The following MAST4 variants were observed in gnomAD, a reference collection of about 807,000 sequenced individuals.
MAST4 encodes the protein microtubule-associated serine/threonine-protein kinase 4.
In MAST4, 89 loss-of-function variants were observed where a neutral mutation model predicts 162.7. That is an observed-to-expected ratio of 0.55 (90% confidence interval 0.46 to 0.65). The LOEUF (loss-of-function observed/expected upper bound fraction) is 0.65, where lower values mean the gene tolerates loss of function less well. Ranked by LOEUF, MAST4 falls within the 30% of genes least tolerant of loss-of-function variation. The probability of loss-of-function intolerance (pLI) is 0.00; values close to 1 mark genes in which losing one functional copy is unlikely to be tolerated. For missense variants in MAST4, 3,153 were observed against 3,374.0 expected (o/e 0.93, Z 1.62); for synonymous variants, 1,479 against 1,361.1 (o/e 1.09, Z -1.91).
chr5:66,907,587 CGTGTGTGTGTGTGTGTGTGTGT>C (rs59273615), intron 4 of MAST4, among the ~76,000 whole-genome samples: 64 of 144,238 alleles, frequency 4.4e-4, no homozygotes, highest in Middle Eastern at 3.4e-3. Context: ...TAGGTTGATG[CGTGTGTGTGTGTGTGTGTGTGT>C]GTGTGTGTGT....
At chr5:67,094,533 T>C (rs1466043901) in intron 6 of MAST4, among the ~76,000 whole-genome samples, 2 of 152,146 alleles carry the variant, frequency 1.3e-5, no homozygotes, top group Non-Finnish European at 2.9e-5. Context: ...AAAAATGCAA[T>C]GTTGCTTTTT....
chr5:67,020,841 G>A (rs1360433009), intron 4 of MAST4, among the ~76,000 whole-genome samples: 2 of 152,140 alleles, frequency 1.3e-5, no homozygotes, highest in Non-Finnish European at 2.9e-5. Flanking sequence ...CAGCCTGCAG[G>A]CCCAATCTGG....
chr5:67,085,886 G>A (rs1763180485), intron 5 of MAST4, among the ~76,000 whole-genome samples: 2 of 152,140 alleles, frequency 1.3e-5, no homozygotes, highest in Admixed American at 1.3e-4. Flanking sequence ...AGGGGGAACG[G>A]AACTGTTATT....
chr5:67,142,383 C>G (rs1770500756), intron 20 of MAST4, 38 bp from the exon 21 acceptor site: 1 of 1,523,634 alleles, frequency 6.6e-7, no homozygotes, highest in East Asian at 2.4e-5. Flanking sequence ...TGTTGAAAAT[C>G]TGAGTAATTG....
chr5:67,154,179 A>G (rs1346900109), intron 26 of MAST4, among the ~76,000 whole-genome samples: 2 of 152,266 alleles, frequency 1.3e-5, no homozygotes, highest in Non-Finnish European at 2.9e-5. Context: ...AGAAGGTCAC[A>G]GGAAGCATGA....
intron 4 of MAST4, among the ~76,000 whole-genome samples, chr5:67,018,699 A>C (rs920122730): frequency 6.6e-6 from 1 of 152,218 alleles, no homozygotes; most frequent in Non-Finnish European, 1.5e-5. Flanking sequence ...TTGTTGGAAA[A>C]TAAGCATGGA....
At chr5:66,970,263 G>A (rs1395133864) in intron 4 of MAST4, among the ~76,000 whole-genome samples, 3 of 152,300 alleles carry the variant, frequency 2.0e-5, no homozygotes, top group East Asian at 3.9e-4. Context: ...ATGTGTGTGC[G>A]GTGCTCCAGA....
chr5:66,663,464 G>A (rs936939886), intron 1 of MAST4, among the ~76,000 whole-genome samples: 1 of 152,198 alleles, frequency 6.6e-6, no homozygotes, highest in African/African-American at 2.4e-5. Context: ...GTGATGAGAA[G>A]AGTTGCTGTC....
chr5:66,706,533 G>A (rs997640668), intron 1 of MAST4, among the ~76,000 whole-genome samples: 2 of 152,060 alleles, frequency 1.3e-5, no homozygotes, highest in African/African-American at 4.8e-5. Flanking sequence ...AGTTCCTTTT[G>A]CTGAATGATA....
rs577385818 is a variant in MAST4, at chr5:66,733,517, T to C, written c.364-26192T>C. On this transcript the variant is annotated intron_variant, in intron 1 of 28. Coordinates refer to ENST00000403625, the MANE Select transcript of MAST4 (RefSeq NM_001164664.2). ...GTGAGTCACCCAGGCTGGAGTGCAG[T>C]GGTGCGATCTCGGCTCATTGCAACC... 3.9e-5 allele frequency among the ~76,000 whole-genome samples: 6 copies of C among 152,250 alleles called. No individual in the cohort carries two copies. In the East Asian group the frequency reaches 5.8e-4, roughly 15 times the overall value.
At position 66,596,663 on chromosome 5, in the gene MAST4, A is replaced by G; in HGVS notation, c.8A>G (p.Glu3Gly). 6.8e-7 allele frequency: 1 copy of G among 1,461,960 alleles called. No homozygotes were observed. The highest frequency in any genetic ancestry group is 9.0e-7 in the Non-Finnish European group (1 of 1,109,080). 90.6% of individuals were successfully genotyped at this position (1,461,960 alleles called of 1,614,324 possible). MG[E>G]KVSEAPEPVP... ...TTTGGGCCAGACAGGGAAATGGGGG[A>G]GAAAGTTTCGGAGGCGCCAGAGCCG... The change falls in exon 1 of 29, where the codon GAG (glutamate) becomes GGG (glycine). Residue 3 changes from glutamate to glycine, a missense_variant. Physicochemically the swap from Glu to Gly is moderately conservative, Grantham distance 98. Around this residue, in one of 7 missense-constraint regions of MAST4, gnomAD observed 327 missense variants for 336.5 expected, o/e 0.97. Coordinates refer to ENST00000403625, the MANE Select transcript of MAST4 (RefSeq NM_001164664.2).
At chr5:66,832,733 T>C (rs892274666) in intron 3 of MAST4, among the ~76,000 whole-genome samples, 2 of 152,214 alleles carry the variant, frequency 1.3e-5, no homozygotes, top group African/African-American at 4.8e-5. Flanking sequence ...TTACTCTGTC[T>C]ATATTCATTT....
intron 1 of MAST4, among the ~76,000 whole-genome samples, chr5:66,741,721 A>C (rs1171822175): frequency 6.6e-6 from 1 of 152,076 alleles, no homozygotes; most frequent in African/African-American, 2.4e-5. Context: ...TTGGAGGAAA[A>C]AGAACCCCAT....
chr5:66,891,107 C>T lies in MAST4; in HGVS notation c.643-8844C>T, dbSNP rs182290157. 3.9e-5 allele frequency among the ~76,000 whole-genome samples: 6 copies of T among 152,300 alleles called. No homozygotes were observed. In the South Asian group the frequency reaches 6.2e-4, roughly 16 times the overall value. On this transcript the variant is annotated intron_variant, in intron 3 of 28. Coordinates refer to ENST00000403625, the MANE Select transcript of MAST4 (RefSeq NM_001164664.2). ...CTCATATTCCTGCTCATCAGGGACT[C>T]GCTGGTGTAACTTAAATCGTTTGCC... is the stretch of plus-strand genomic sequence containing the variant.
At chr5:66,911,364 C>T (rs1273837637) in intron 4 of MAST4, among the ~76,000 whole-genome samples, 2 of 152,102 alleles carry the variant, frequency 1.3e-5, no homozygotes, top group Non-Finnish European at 2.9e-5. Flanking sequence ...CCTGACCTAG[C>T]ATAGACAGAC....
intron 3 of MAST4, among the ~76,000 whole-genome samples, chr5:66,873,207 G>A (rs893354982): frequency 1.3e-5 from 2 of 152,148 alleles, no homozygotes; most frequent in East Asian, 1.9e-4. Flanking sequence ...AAAACACTGC[G>A]GTAGTAGAAA....
At position 67,121,003 on chromosome 5, in the gene MAST4, A is replaced by G. The variant is rs1405529181; in HGVS notation, c.1660-14A>G. On this transcript the variant is annotated splice_polypyrimidine_tract_variant and intron_variant, in intron 13 of 28. Transcript: ENST00000403625. The stretch of plus-strand genomic sequence containing the variant: ...ATCTAAACTACTTTTTAACTTCCAT[A>G]TTTTGTTTCCAAGAGCTCTAATGCC... 3.8e-6 allele frequency: 6 copies of G among 1,584,332 alleles called. No homozygotes were observed. The highest frequency in any genetic ancestry group is 5.2e-6 in the Non-Finnish European group (6 of 1,161,240).
chr5:67,117,870 C>G (rs1212000408), intron 12 of MAST4, among the ~76,000 whole-genome samples: 1 of 152,104 alleles, frequency 6.6e-6, no homozygotes, highest in Non-Finnish European at 1.5e-5. Context: ...ACCTTTGTCT[C>G]TTTTAACTAA....
At chr5:66,856,920 CCTCT>C (rs1251114221) in intron 3 of MAST4, among the ~76,000 whole-genome samples, 2 of 152,122 alleles carry the variant, frequency 1.3e-5, no homozygotes, top group Non-Finnish European at 2.9e-5. Flanking sequence ...ATAACAAACA[CCTCT>C]CTATCTGACA....
Sources: allele counts gnomAD v4.1 joint callset (sites outside exome capture counted in the v4.1 genomes callset), GRCh38; gene constraint gnomAD v4.1.1; regional missense constraint gnomAD v4.1.1; transcripts MANE v1.5; gene names NCBI Gene and HGNC (gene_info 2026-07-23, HGNC 2026-07-21).